The following MYG1 variants were observed in gnomAD, a reference collection of about 807,000 sequenced individuals.
MYG1 encodes MYG1 exonuclease.
Under a neutral mutation model 43.5 loss-of-function variants are expected in MYG1, and 36 were observed. The observed-to-expected ratio is 0.83, with a 90% confidence interval of 0.63 to 1.09. MYG1 has a LOEUF of 1.09. Among genes scored for constraint, MYG1 ranks in the 50% least tolerant of loss-of-function variants. The pLI, the probability that MYG1 is intolerant of heterozygous loss-of-function variation, is 0.00. For missense variants in MYG1, 529 were observed against 495.1 expected (o/e 1.07, Z -0.65); for synonymous variants, 220 against 202.8 (o/e 1.08, Z -0.72).
intron 1 of MYG1, 29 bp downstream of exon 1, chr12:53,299,982 C>T (rs1171218376): frequency 6.2e-7 from 1 of 1,612,388 alleles, no homozygotes; most frequent in South Asian, 1.1e-5. Flanking sequence ...GACCCTGGGA[C>T]TGCGTGCATG....
rs914506110 is a variant in MYG1 at position 53,302,894 on chromosome 12, A to G, written c.330-140A>G. ...GGCAGATGAATCTGAAAGCAAGGAC[A>G]GTGTCTTGGTTTTTTATCCTTAATG... On this transcript the variant is annotated intron_variant, in intron 2 of 6. Coordinates refer to ENST00000267103, the MANE Select transcript of MYG1 (RefSeq NM_021640.4). 5.1e-6 allele frequency: 5 copies of G among 983,608 alleles called. No homozygotes were observed. The African/African-American group carries it at 6.6e-5, about 13-fold the overall frequency. 60.9% of individuals were successfully genotyped at this position (983,608 alleles called of 1,614,324 possible). A position where few individuals can be genotyped will look rare whatever the true frequency, so the allele number is the denominator to read the frequency against.
At chr12:53,304,502 C>T (rs1029499566) in intron 3 of MYG1, among the ~76,000 whole-genome samples, 25 of 151,900 alleles carry the variant, frequency 1.6e-4, no homozygotes, top group Non-Finnish European at 2.9e-4. Context: ...CCAGGCTGGT[C>T]TCAAACTCCT....
At position 53,299,935 on chromosome 12, in the gene MYG1, C is replaced by T. The variant is rs760128840; in HGVS notation, c.198C>T (p.Arg66=). Residue 66 remains arginine, a synonymous_variant, in exon 1 of 7, where the codon CGC becomes CGT. Transcript: ENST00000267103. ...AGGCACTGGCATGCGCACTGCTTCG[C>T]CTCCTGCCGGAGTACCGGGTACGGT... is the stretch of plus-strand genomic sequence containing the variant. ...CDEALACALL[R]LLPEYRDAEI... is the part of the protein sequence containing the mutation. 8 of 1,614,106 alleles carry T rather than the reference C, an allele frequency of 5.0e-6. No individual in the cohort carries two copies. The highest frequency in any genetic ancestry group is 1.7e-5 in the Admixed American group (1 of 60,008).
chr12:53,304,984 T>C (rs148450736), intron 3 of MYG1, among the ~76,000 whole-genome samples: 4,565 of 149,824 alleles, frequency 0.03, 221 homozygotes, highest in African/African-American at 0.11. Context: ...TTGTCCTGCC[T>C]CAGCCTCCCA....
intron 3 of MYG1, among the ~76,000 whole-genome samples, chr12:53,305,092 T>C (rs2121068049): frequency 6.9e-6 from 1 of 145,018 alleles, no homozygotes; most frequent in African/African-American, 2.5e-5. Context: ...ATGGTCTCGA[T>C]CTCCTGACCT....
At chr12:53,300,302 C>T in intron 2 of MYG1, 40 bp downstream of exon 2, 1 of 1,429,208 alleles carries the variant, frequency 7.0e-7, no homozygotes, top group Non-Finnish European at 9.4e-7. Context: ...TCCTTGACCT[C>T]AGCTTTCCTC....
At chr12:53,304,589 T>C (rs1036256230) in intron 3 of MYG1, among the ~76,000 whole-genome samples, 1 of 151,680 alleles carries the variant, frequency 6.6e-6, no homozygotes, top group African/African-American at 2.4e-5. Flanking sequence ...CCAGCAACAA[T>C]TGACTAAATT....
chr12:53,307,084 G>C lies in MYG1; in HGVS notation c.1066G>C (p.Glu356Gln), dbSNP rs780741684. The C allele has an allele frequency of 6.2e-7, 1 of 1,614,194 alleles. No homozygotes were observed. Among genetic ancestry groups the C allele is most frequent in the South Asian group, 1.1e-5 (1 of 91,084 alleles). ...CTTCACTGGCGGTCACCACACCCGAGAGGGTGCCTTGAGCATGGCCCGTGC... is the reference window on the plus strand; with the variant it reads ...CTTCACTGGCGGTCACCACACCCGACAGGGTGCCTTGAGCATGGCCCGTGC... ...SGFTGGHHTREGALSMARATL... is the reference protein window; with the variant it reads ...SGFTGGHHTRQGALSMARATL... Residue 356 changes from glutamate (E) to glutamine (Q), a missense_variant, in exon 7 of 7, where the codon GAG becomes CAG. Glu to Gln is a conservative substitution (Grantham distance 29). Coordinates refer to ENST00000267103, the MANE Select transcript of MYG1 (RefSeq NM_021640.4).
At chr12:53,306,452 T>C in intron 5 of MYG1, 132 bp downstream of exon 5, 1 of 1,358,862 alleles carries the variant, frequency 7.4e-7, no homozygotes, top group African/African-American at 1.4e-5. Flanking sequence ...CAAGCAGTCC[T>C]CCCACCTCAG....
In MYG1 at chr12:53,306,282, C is replaced by A. The variant is rs779089961; in HGVS notation, c.727C>A (p.Arg243=). 19 of 1,614,112 alleles carry A rather than the reference C, an allele frequency of 1.2e-5. No homozygotes were observed. Among genetic ancestry groups the A allele is most frequent in the Non-Finnish European group, 1.5e-5 (18 of 1,180,048 alleles). The part of the protein sequence containing the change: ...DFYQHSWLPA[R]ALVEEALAQR... ...CTACCAACACAGCTGGCTGCCAGCC[C>A]GGGCCTTGGTGGAAGAGGCCCTTGC... The change falls in exon 5 of 7, where the codon CGG becomes AGG. Residue 243 remains arginine, a synonymous_variant. Coordinates refer to ENST00000267103, the MANE Select transcript of MYG1 (RefSeq NM_021640.4).
At chr12:53,306,495 C>T in intron 5 of MYG1, 175 bp downstream of exon 5, 3 of 1,069,946 alleles carry the variant, frequency 2.8e-6, no homozygotes, top group Middle Eastern at 3.1e-4. Context: ...AGGCACACAC[C>T]ACCTCACCCA....
At chr12:53,303,252 C>T in intron 3 of MYG1, 59 bp downstream of exon 3, 1 of 1,578,172 alleles carries the variant, frequency 6.3e-7, no homozygotes, top group South Asian at 1.2e-5. Context: ...CGCCTGGGAG[C>T]AGTGCTCACA....
At chr12:53,304,372 G>A (rs1369771738) in intron 3 of MYG1, among the ~76,000 whole-genome samples, 2 of 151,520 alleles carry the variant, frequency 1.3e-5, no homozygotes, top group Non-Finnish European at 1.5e-5. Context: ...TGCTACCTCC[G>A]CCTCCTGGGT....
intron 2 of MYG1, 81 bp downstream of exon 2, chr12:53,300,343 G>A: frequency 1.9e-6 from 2 of 1,063,896 alleles, no homozygotes; most frequent in Middle Eastern, 2.1e-4. Flanking sequence ...CACTGCCGTA[G>A]TCCGCGTCAG....
chr12:53,306,752 G>C lies in MYG1; in HGVS notation c.838G>C (p.Glu280Gln). The change falls in exon 6 of 7, where the codon GAA (glutamate) becomes CAA (glutamine). Residue 280 changes from glutamate (E) to glutamine (Q), a missense_variant. Physicochemically the swap from Glu to Gln is conservative, Grantham distance 29. Coordinates refer to ENST00000267103, the MANE Select transcript of MYG1 (RefSeq NM_021640.4). ...CTGGAAGGAGCATCTCTACCACCTG[G>C]AATCTGGGCTGTCCCCTCCAGTGGC... ...CPWKEHLYHL[E>Q]SGLSPPVAIF... 3 of 1,614,216 alleles carry C rather than the reference G, an allele frequency of 1.9e-6. No homozygotes were observed. The highest frequency in any genetic ancestry group is 2.5e-6 in the Non-Finnish European group (3 of 1,180,034).
In MYG1 at chr12:53,300,218, G is replaced by A; in HGVS notation, c.285G>A (p.Gly95=). 7 of 1,604,248 alleles carry A rather than the reference G, an allele frequency of 4.4e-6. No individual in the cohort carries two copies. Among genetic ancestry groups the A allele is most frequent in the Non-Finnish European group, 2.6e-6 (3 of 1,175,196 alleles). The change falls in exon 2 of 7, where the codon GGG becomes GGA. Residue 95 remains glycine, a synonymous_variant. Transcript: ENST00000267103. ...CCTGTGACATCGTGGTGGACGTGGG[G>A]GGCGAGTACGACCCTCGGAGACACC... is the stretch of plus-strand genomic sequence containing the variant. ...LASCDIVVDV[G]GEYDPRRHRY... is the part of the protein sequence containing the mutation.
At chr12:53,300,102 C>T (rs765645278) in intron 1 of MYG1, 48 bp from the exon 2 acceptor site, 1 of 1,541,438 alleles carries the variant, frequency 6.5e-7, no homozygotes, top group East Asian at 2.3e-5. Flanking sequence ...GCATTAATCC[C>T]CTACCCGGCG....
At chr12:53,300,463 C>T in intron 2 of MYG1, 1 of 472,798 alleles carries the variant, frequency 2.1e-6, no homozygotes, top group South Asian at 3.8e-5. Context: ...CCTTTGGTTC[C>T]CAGGGAGTCC....
intron 2 of MYG1, among the ~76,000 whole-genome samples, chr12:53,301,851 A>G (rs1011224510): frequency 1.3e-5 from 2 of 151,904 alleles, no homozygotes; most frequent in Admixed American, 1.3e-4. Flanking sequence ...TAATTTTTGT[A>G]TTTTTAGGAG....
Sources: allele counts gnomAD v4.1 joint callset (sites outside exome capture counted in the v4.1 genomes callset), GRCh38; gene constraint gnomAD v4.1.1; transcripts MANE v1.5; gene names NCBI Gene and HGNC (gene_info 2026-07-23, HGNC 2026-07-21).